Variants in MBD5 observed in about 807,000 individuals in gnomAD.
MBD5 encodes the protein methyl-CpG-binding domain protein 5.
In MBD5, 13 loss-of-function variants were observed where a neutral mutation model predicts 117.3. The observed-to-expected ratio is 0.11, with a 90% CI of 0.07 to 0.18. The LOEUF is 0.18. Among genes scored for constraint, MBD5 ranks in the 10% least tolerant of loss-of-function variants. The pLI, the probability that MBD5 is intolerant of heterozygous loss-of-function variation, is 1.00. For missense variants in MBD5, 1,879 were observed against 2,093.8 expected, an observed-to-expected ratio of 0.90 and a Z score of 2.00; for synonymous variants, 727 against 766.4, an observed-to-expected ratio of 0.95 and a Z score of 0.85.
chr2:148,407,501 G>A (rs990846571), intron 4 of MBD5, among the ~76,000 whole-genome samples: 1 of 152,056 alleles, frequency 6.6e-6, no homozygotes, highest in Admixed American at 6.6e-5. Flanking sequence ...ATGTAAAACC[G>A]TGATTGAAAA....
intron 4 of MBD5, among the ~76,000 whole-genome samples, chr2:148,363,125 G>A (rs536953269): frequency 2.6e-5 from 4 of 152,254 alleles, no homozygotes; most frequent in Admixed American, 1.3e-4. Context: ...AACAAAACTG[G>A]ACAGAGAATG....
intron 1 of MBD5, among the ~76,000 whole-genome samples, chr2:148,047,239 G>C (rs1045325232): frequency 1.5e-4 from 23 of 151,994 alleles, no homozygotes; most frequent in Non-Finnish European, 2.6e-4. Context: ...TTTACTTCTA[G>C]TGTCAGTCAC....
chr2:148,161,699 A>C (rs1698011808), intron 1 of MBD5, among the ~76,000 whole-genome samples: 1 of 152,144 alleles, frequency 6.6e-6, no homozygotes, highest in African/African-American at 2.4e-5. Flanking sequence ...CATACCAGGA[A>C]CTGTAAGGAT....
chr2:148,432,974 G>A (rs1706036104), intron 4 of MBD5, among the ~76,000 whole-genome samples: 1 of 152,108 alleles, frequency 6.6e-6, no homozygotes, highest in Admixed American at 6.6e-5. Flanking sequence ...CCATTTTAAT[G>A]ATACTGAGTC....
intron 3 of MBD5, among the ~76,000 whole-genome samples, chr2:148,268,626 A>G (rs911854797): frequency 6.6e-6 from 1 of 151,628 alleles, no homozygotes; most frequent in African/African-American, 2.4e-5. Context: ...TAATTCTTAC[A>G]GAATTATGTT....
At chr2:148,491,738 C>T (rs1681533839) in intron 11 of MBD5, among the ~76,000 whole-genome samples, 1 of 151,920 alleles carries the variant, frequency 6.6e-6, no homozygotes, top group South Asian at 2.1e-4. Context: ...CCCCTATTCA[C>T]AAAATATTTT....
intron 3 of MBD5, among the ~76,000 whole-genome samples, chr2:148,285,004 C>T (rs1158637036): frequency 6.6e-6 from 1 of 152,160 alleles, no homozygotes; most frequent in African/African-American, 2.4e-5. Context: ...GTTATTACAG[C>T]CTTCCCCATG....
chr2:148,128,490 C>T (rs1696956704), intron 1 of MBD5, among the ~76,000 whole-genome samples: 1 of 152,118 alleles, frequency 6.6e-6, no homozygotes, highest in Non-Finnish European at 1.5e-5. Flanking sequence ...TCTTAAGTTT[C>T]TTTGTGGGAC....
At chr2:148,100,920 GA>G (rs1213069273) in intron 1 of MBD5, among the ~76,000 whole-genome samples, 1 of 152,130 alleles carries the variant, frequency 6.6e-6, no homozygotes, top group Non-Finnish European at 1.5e-5. Context: ...AGGATTGATT[GA>G]TTGATTGATT....
At chr2:148,172,266 C>T (rs1698280802) in intron 1 of MBD5, among the ~76,000 whole-genome samples, 1 of 152,208 alleles carries the variant, frequency 6.6e-6, no homozygotes, top group Admixed American at 6.5e-5. Context: ...GGAAGCCCAC[C>T]CTGCCCCTGC....
intron 10 of MBD5, among the ~76,000 whole-genome samples, chr2:148,486,268 C>G (rs1475595312): frequency 2.6e-5 from 4 of 152,088 alleles, no homozygotes; most frequent in Non-Finnish European, 5.9e-5. Context: ...ACCTGTCCAC[C>G]CTCTCCAGCC....
intron 3 of MBD5, among the ~76,000 whole-genome samples, chr2:148,307,037 AT>A (rs1701910730): frequency 1.3e-5 from 2 of 152,122 alleles, no homozygotes; most frequent in South Asian, 4.1e-4. Flanking sequence ...AGCATTTAGG[AT>A]TTGATTTGGG....
intron 1 of MBD5, among the ~76,000 whole-genome samples, chr2:148,098,219 GC>G (rs367994942): frequency 1.4e-4 from 21 of 152,292 alleles, no homozygotes; most frequent in African/African-American, 5.1e-4. Context: ...AATGGTGGTG[GC>G]CTGTATAAGG....
chr2:148,203,315 C>G (rs1475791273), intron 2 of MBD5, among the ~76,000 whole-genome samples: 1 of 152,076 alleles, frequency 6.6e-6, no homozygotes, highest in African/African-American at 2.4e-5. Flanking sequence ...GAAAGATGGC[C>G]TATTTGCATA....
chr2:148,100,293 T>G (rs1185267499), intron 1 of MBD5, among the ~76,000 whole-genome samples: 1 of 152,180 alleles, frequency 6.6e-6, no homozygotes, highest in African/African-American at 2.4e-5. Context: ...TCACATTAAC[T>G]TCCCCTTGGC....
At chr2:148,238,340 A>G (rs1296333766) in intron 3 of MBD5, among the ~76,000 whole-genome samples, 1 of 152,218 alleles carries the variant, frequency 6.6e-6, no homozygotes, top group East Asian at 1.9e-4. Flanking sequence ...ATTTTGTTTA[A>G]AAATGTAGGG....
chr2:148,154,135 G>A (rs1697782659), intron 1 of MBD5, among the ~76,000 whole-genome samples: 1 of 126,686 alleles, frequency 7.9e-6, no homozygotes, highest in Non-Finnish European at 1.7e-5. Context: ...TGTCCTTTCT[G>A]TTTGTTAGTT....
intron 2 of MBD5, among the ~76,000 whole-genome samples, chr2:148,230,331 G>A (rs1001492896): frequency 4.3e-4 from 66 of 152,188 alleles, no homozygotes; most frequent in African/African-American, 1.3e-3. Flanking sequence ...TATGGCTACC[G>A]CTACCACATC....
chr2:148,478,238 G>A (rs930211244), intron 8 of MBD5, among the ~76,000 whole-genome samples: 10 of 152,242 alleles, frequency 6.6e-5, no homozygotes, highest in African/African-American at 2.2e-4. Context: ...ACACACATAT[G>A]CATATACATA....
Sources: allele counts gnomAD v4.1 joint callset (sites outside exome capture counted in the v4.1 genomes callset), GRCh38; gene constraint gnomAD v4.1.1; transcripts MANE v1.5; gene names NCBI Gene and HGNC (gene_info 2026-07-23, HGNC 2026-07-21).